The following ARMCX4 variants were observed in gnomAD, a reference collection of about 807,000 sequenced individuals.
The protein encoded by ARMCX4 is armadillo repeat containing X-linked 4.
A neutral mutation model predicts 34.7 loss-of-function variants in ARMCX4; 3 were observed. The observed-to-expected ratio is 0.09, with a 90% CI of 0.04 to 0.22. The LOEUF (loss-of-function observed/expected upper bound fraction) is 0.22. Among genes scored for constraint, ARMCX4 ranks in the 10% least tolerant of loss-of-function variants. The probability of loss-of-function intolerance (pLI) is 1.00; values close to 1 mark genes in which losing one functional copy is unlikely to be tolerated. For synonymous variants in ARMCX4, 513 were observed against 632.8 expected, an observed-to-expected ratio of 0.81 and a Z score of 2.84; for missense variants, 1,448 against 1,720.8, an observed-to-expected ratio of 0.84 and a Z score of 2.81.
upstream of ARMCX4, among the ~76,000 whole-genome samples, chrX:101,483,574 A>C (rs1933561896): frequency 8.9e-6 from 1 of 111,788 alleles, no homozygotes; most frequent in African/African-American, 3.2e-5. Flanking sequence ...TTCTGTGAAC[A>C]AATCTGTTCA....
In ARMCX4 at chrX:101,523,250, A is replaced by G. The variant is rs1258520022; in HGVS notation, c.*1781-8394A>G. Among the ~76,000 whole-genome samples the G allele has an allele frequency of 1.1e-4, 12 of 111,967 alleles. 1 individual carries two copies. The highest frequency in any genetic ancestry group is 2.1e-4 in the Non-Finnish European group (11 of 53,187). ...GAAATCCAGGATGAAAAATAAAATCAGTATCATCCCTGGAAGTCTAGAAGA... is the reference window on the plus strand; with the variant it reads ...GAAATCCAGGATGAAAAATAAAATCGGTATCATCCCTGGAAGTCTAGAAGA... On this transcript the variant is annotated intron_variant and NMD_transcript_variant, in intron 11 of 12. Coordinates refer to the ARMCX4 transcript ENST00000354842.
intron 2 of ARMCX4, among the ~76,000 whole-genome samples, chrX:101,425,539 G>A (rs782128507): frequency 1.2e-4 from 13 of 109,437 alleles, no homozygotes; most frequent in Non-Finnish European, 2.3e-4. Context: ...GATTACAGGC[G>A]CACACCACCA....
At chrX:101,478,176 G>A (rs1043316267) in intron 4 of ARMCX4, among the ~76,000 whole-genome samples, 1 of 112,097 alleles carries the variant, frequency 8.9e-6, no homozygotes, top group African/African-American at 3.2e-5. Flanking sequence ...ATAGTATAAA[G>A]TATCAGAAAG....
chrX:101,461,241 C>T (rs1048072734), intron 4 of ARMCX4, among the ~76,000 whole-genome samples: 8 of 111,441 alleles, frequency 7.2e-5, no homozygotes, highest in Non-Finnish European at 9.4e-5. Context: ...TTCTCTTTTT[C>T]CTTAGACTCT....
chrX:101,441,123 C>G (rs4986645), intron 2 of ARMCX4, among the ~76,000 whole-genome samples: 1 of 110,878 alleles, frequency 9.0e-6, no homozygotes, highest in East Asian at 2.8e-4. Context: ...CTCCACCCCC[C>G]GGGACTAACA....
chrX:101,424,803 T>C (rs1248203912), intron 2 of ARMCX4, among the ~76,000 whole-genome samples: 2 of 111,888 alleles, frequency 1.8e-5, no homozygotes, highest in Non-Finnish European at 3.8e-5. Flanking sequence ...GCAGGACCTT[T>C]AAGATCACAT....
intron 2 of ARMCX4, among the ~76,000 whole-genome samples, chrX:101,424,687 A>AT (rs1160767720): frequency 8.9e-6 from 1 of 111,977 alleles, no homozygotes; most frequent in African/African-American, 3.2e-5. Flanking sequence ...GAAAATCCAC[A>AT]TTTTGTTTAC....
rs545262345 is a variant in ARMCX4, at chrX:101,421,203, CA to C, written n.164+2224del. Among the ~76,000 whole-genome samples the C allele has an allele frequency of 1.8e-3, 69 of 39,171 alleles. 1 individual carries two copies. Among genetic ancestry groups the C allele is most frequent in the Middle Eastern group, 0.017 (1 of 59 alleles). 34.0% of individuals were successfully genotyped at this position (39,171 alleles called of 115,157 possible). On this transcript the variant is annotated intron_variant and non_coding_transcript_variant, in intron 2 of 3. Coordinates refer to the ARMCX4 transcript ENST00000430461. ...GGGCAACAAGAGCAAAACTCTGTCTCAAAAAAAAAAAAAAAAAAAAAGAAAG... is the reference window on the plus strand; with the variant it reads ...GGGCAACAAGAGCAAAACTCTGTCTCAAAAAAAAAAAAAAAAAAAAGAAAG...
chrX:101,487,792 C>T (rs1569334043), intron 4 of ARMCX4, 101 bp downstream of exon 4: 3 of 350,743 alleles, frequency 8.6e-6, no homozygotes, highest in African/African-American at 2.7e-5. Flanking sequence ...GATGAGGATC[C>T]TCAGTCTCTC....
chrX:101,531,226 A>G (rs1935122492), intron 11 of ARMCX4, among the ~76,000 whole-genome samples: 2 of 112,000 alleles, frequency 1.8e-5, no homozygotes, highest in Admixed American at 1.9e-4. Context: ...GGGCCCACCC[A>G]GATAGAACTG....
At chrX:101,437,282 T>G (rs1393916573) in intron 2 of ARMCX4, among the ~76,000 whole-genome samples, 2 of 111,606 alleles carry the variant, frequency 1.8e-5, no homozygotes, top group Non-Finnish European at 3.8e-5. Context: ...TCCTGGACCT[T>G]TTTTGGTTGG....
At chrX:101,430,690 C>T (rs1319687666) in intron 2 of ARMCX4, among the ~76,000 whole-genome samples, 3 of 112,292 alleles carry the variant, frequency 2.7e-5, no homozygotes, top group Admixed American at 9.5e-5. Flanking sequence ...AATCTCCAGA[C>T]AAGGCTTTAA....
At chrX:101,499,061 T>A (rs1178674821), downstream of ARMCX4, 9 of 111,391 alleles carry the variant, frequency 8.1e-5, no homozygotes, top group Non-Finnish European at 1.7e-4. Context: ...CAACAAAGAG[T>A]TTCGGGACAT....
chrX:101,528,274 A>T (rs1935029641), intron 11 of ARMCX4, among the ~76,000 whole-genome samples: 1 of 112,142 alleles, frequency 8.9e-6, no homozygotes, highest in South Asian at 3.7e-4. Flanking sequence ...CCTTCGATAA[A>T]ATTCAACAGT....
chrX:101,455,810 C>G (rs782646765), intron 4 of ARMCX4, among the ~76,000 whole-genome samples: 2 of 110,961 alleles, frequency 1.8e-5, no homozygotes, highest in African/African-American at 3.3e-5. Context: ...CCCTCGCCCC[C>G]CTCCAGCCTC....
chrX:101,445,845 G>C (rs1555997948), intron 3 of ARMCX4, among the ~76,000 whole-genome samples: 1 of 111,077 alleles, frequency 9.0e-6, no homozygotes, highest in African/African-American at 3.3e-5. Flanking sequence ...TTCTGTACTT[G>C]GGTGGTAGCT....
At position 101,494,072 on chromosome X, in the gene ARMCX4, GGGCTGA is replaced by G. The variant is rs1934104047; in HGVS notation, c.5489_5494del (p.Glu1830_Ala1831del). On this transcript the variant is annotated inframe_deletion, in exon 6 of 6. Transcript: ENST00000423738. The stretch of plus-strand genomic sequence containing the variant: ...GGGGCTGAGGCTGGGGCTGGGGCTG[GGGCTGA>G]GGCTGGGGCTGAGGCTGGGGCTGGG... 7.8e-6 allele frequency: 5 copies of G among 644,867 alleles called. No homozygotes were observed. The highest frequency in any genetic ancestry group is 4.2e-5 in the South Asian group (1 of 23,736). 53.1% of individuals were successfully genotyped at this position (644,867 alleles called of 1,213,427 possible). A position where few individuals can be genotyped will look rare whatever the true frequency, so the allele number is the denominator to read the frequency against.
chrX:101,454,856 C>G (rs1236522690), intron 4 of ARMCX4, among the ~76,000 whole-genome samples: 1 of 111,347 alleles, frequency 9.0e-6, no homozygotes, highest in African/African-American at 3.3e-5. Flanking sequence ...GGTGAGGGCC[C>G]TCTTCCCAGG....
chrX:101,444,190 G>C (rs1931487552), intron 3 of ARMCX4: 2 of 237,966 alleles, frequency 8.4e-6, no homozygotes, highest in Admixed American at 5.0e-5. Context: ...AGAGGTCTCT[G>C]TGTGTCAGCG....
Sources: gnomAD v4.1 joint callset for allele counts (sites outside exome capture counted in the v4.1 genomes callset) on GRCh38, gnomAD v4.1.1 for gene constraint, MANE v1.5 for transcripts, NCBI Gene and HGNC (gene_info 2026-07-23, HGNC 2026-07-21) for gene names.